The following FRMPD2 variants were observed in gnomAD, a reference collection of about 807,000 sequenced individuals.
The protein encoded by FRMPD2 is FERM and PDZ domain containing 2.
In FRMPD2, 96 loss-of-function variants were observed where a neutral mutation model predicts 140.1. That is an observed-to-expected ratio of 0.69 (90% CI 0.58 to 0.81). FRMPD2 has a LOEUF of 0.81. Ranked by LOEUF, FRMPD2 falls within the 40% of genes least tolerant of loss-of-function variation. The pLI is 0.00. For missense variants in FRMPD2, 1,240 were observed against 1,447.4 expected (o/e 0.86, Z 2.32); for synonymous variants, 449 against 547.6 (o/e 0.82, Z 2.52).
chr10:48,210,483 T>G (rs761336751), intron 13 of FRMPD2, among the ~76,000 whole-genome samples: 2 of 152,222 alleles, frequency 1.3e-5, no homozygotes, highest in Non-Finnish European at 2.9e-5. Flanking sequence ...AGTCAGGGTC[T>G]GGGCAGAGGC....
chr10:48,266,418 T>C (rs369950528), intron 1 of FRMPD2, among the ~76,000 whole-genome samples: 2 of 152,162 alleles, frequency 1.3e-5, no homozygotes, highest in Non-Finnish European at 2.9e-5. Flanking sequence ...TATGCATTCT[T>C]CAATTTAAAA....
chr10:48,223,323 T>C (rs1839653497), intron 10 of FRMPD2, 53 bp from the exon 11 acceptor site: 6 of 1,547,480 alleles, frequency 3.9e-6, no homozygotes, highest in Non-Finnish European at 5.3e-6. Context: ...GATTGCACCA[T>C]CTCTCAGACT....
intron 7 of FRMPD2, 66 bp downstream of exon 7, chr10:48,239,539 G>C: frequency 1.8e-6 from 2 of 1,127,344 alleles, no homozygotes; most frequent in South Asian, 2.8e-5. Context: ...AAGAAATAAG[G>C]TACCATAGCC....
intron 1 of FRMPD2, among the ~76,000 whole-genome samples, chr10:48,264,255 C>T (rs774296167): frequency 1.4e-4 from 21 of 151,948 alleles, no homozygotes; most frequent in Admixed American, 5.2e-4. Flanking sequence ...TGTCCCCTCT[C>T]ACCATTGGAA....
chr10:48,243,175 C>A (rs1840166992), intron 4 of FRMPD2, among the ~76,000 whole-genome samples: 1 of 152,190 alleles, frequency 6.6e-6, no homozygotes, highest in African/African-American at 2.4e-5. Context: ...CAGATACAGT[C>A]CCTGCCTTCA....
intron 8 of FRMPD2, among the ~76,000 whole-genome samples, chr10:48,237,359 C>T (rs1371453455): frequency 6.6e-6 from 1 of 152,126 alleles, no homozygotes; most frequent in Non-Finnish European, 1.5e-5. Context: ...CTCAGAAGCC[C>T]TCTTCACGCC....
At chr10:48,257,589 C>CT (rs1030226982) in intron 1 of FRMPD2, among the ~76,000 whole-genome samples, 2 of 152,052 alleles carry the variant, frequency 1.3e-5, no homozygotes, top group East Asian at 1.9e-4. Context: ...CAACCTTTAC[C>CT]TTTTTTTAGA....
In FRMPD2 at chr10:48,240,348, G is replaced by T; in HGVS notation, c.700+12C>A. The T allele has an allele frequency of 1.9e-6, 3 of 1,609,942 alleles. No homozygotes were observed. Among genetic ancestry groups the T allele is most frequent in the South Asian group, 1.1e-5 (1 of 91,034 alleles). ...TCAGCCCACGCAGGGACTGCTTAGGGCACGTACCCACCTCTGCAAGGATGC... is the reference window on the plus strand; with the variant it reads ...TCAGCCCACGCAGGGACTGCTTAGGTCACGTACCCACCTCTGCAAGGATGC... On this transcript the variant is annotated intron_variant, in intron 6 of 28. Coordinates refer to ENST00000374201, the MANE Select transcript of FRMPD2 (RefSeq NM_001018071.4).
At chr10:48,213,958 T>C (rs1839388007) in intron 12 of FRMPD2, among the ~76,000 whole-genome samples, 2 of 152,134 alleles carry the variant, frequency 1.3e-5, no homozygotes, top group African/African-American at 4.8e-5. Context: ...GAAAATGAAC[T>C]CGGGGCACAT....
chr10:48,250,636 G>A (rs1840354253), intron 2 of FRMPD2, among the ~76,000 whole-genome samples: 1 of 152,014 alleles, frequency 6.6e-6, no homozygotes, highest in Non-Finnish European at 1.5e-5. Flanking sequence ...TTGAACTCTT[G>A]ACCTCAGGTG....
chr10:48,240,453 G>A lies in FRMPD2; in HGVS notation c.607C>T (p.Gln203Ter), dbSNP rs748831941. The stretch of plus-strand genomic sequence containing the variant: ...TTCCTGAGCAGGTAGCTTCTGTTCT[G>A]CTGCACAGAGGAGCTTTCCTCCACA... Reference protein sequence around the residue: ...RVVEESSSVQQNRSYLLRKRL... With the variant: ...RVVEESSSVQ Residue 203 changes from glutamine to a stop codon, truncating the protein, a stop_gained, in exon 6 of 29, where the codon CAG becomes TAG. Coordinates refer to ENST00000374201, the MANE Select transcript of FRMPD2 (RefSeq NM_001018071.4). LOFTEE classifies it high-confidence loss of function. 2.5e-6 allele frequency: 4 copies of A among 1,613,826 alleles called. 1 individual carries two copies. In the Admixed American group the frequency reaches 6.7e-5, roughly 27 times the overall value.
intron 15 of FRMPD2, among the ~76,000 whole-genome samples, chr10:48,196,749 A>C (rs556204610): frequency 8.9e-4 from 136 of 152,322 alleles, no homozygotes; most frequent in African/African-American, 3.2e-3. Context: ...AAAATGAAGA[A>C]ATATTTTAAA....
chr10:48,231,309 A>G (rs28631140), intron 10 of FRMPD2, among the ~76,000 whole-genome samples: 2 of 152,216 alleles, frequency 1.3e-5, no homozygotes, highest in Non-Finnish European at 2.9e-5. Flanking sequence ...GAAAAATACC[A>G]TAGAAACTTT....
intron 16 of FRMPD2, among the ~76,000 whole-genome samples, chr10:48,190,951 T>C (rs921898579): frequency 7.9e-5 from 12 of 152,194 alleles, no homozygotes; most frequent in African/African-American, 2.4e-4. Flanking sequence ...TGAAGTGCTA[T>C]AAGGTACCAT....
intron 16 of FRMPD2, among the ~76,000 whole-genome samples, chr10:48,190,457 G>A (rs565667691): frequency 8.4e-4 from 128 of 152,264 alleles, no homozygotes; most frequent in East Asian, 7.7e-4. Flanking sequence ...AGCCCTGGTT[G>A]CCCTCAACAG....
intron 10 of FRMPD2, among the ~76,000 whole-genome samples, 175 bp from the exon 11 acceptor site, chr10:48,223,445 G>T (rs757213824): frequency 1.3e-5 from 2 of 152,172 alleles, no homozygotes; most frequent in Admixed American, 1.3e-4. Flanking sequence ...GTCATGGGGT[G>T]TCAAGAAGGA....
intron 10 of FRMPD2, among the ~76,000 whole-genome samples, chr10:48,229,510 G>T (rs1054236246): frequency 3.4e-4 from 52 of 152,080 alleles, no homozygotes; most frequent in African/African-American, 1.2e-3. Context: ...TGTAAAAGAG[G>T]TGTTAAACTA....
At chr10:48,195,709 A>G (rs1023581006) in intron 15 of FRMPD2, among the ~76,000 whole-genome samples, 1 of 152,266 alleles carries the variant, frequency 6.6e-6, no homozygotes, top group East Asian at 1.9e-4. Flanking sequence ...GTAATACTTA[A>G]AAACAAAAAG....
intron 16 of FRMPD2, 102 bp downstream of exon 16, chr10:48,192,582 C>T (rs1838854033): frequency 9.2e-7 from 1 of 1,084,852 alleles, no homozygotes; most frequent in Non-Finnish European, 1.3e-6. Context: ...AAGAGCAAAA[C>T]TCAGTCTCAA....
Sources: allele counts gnomAD v4.1 joint callset (sites outside exome capture counted in the v4.1 genomes callset), GRCh38; gene constraint gnomAD v4.1.1; transcripts MANE v1.5; gene names NCBI Gene and HGNC (gene_info 2026-07-23, HGNC 2026-07-21).